Variants in MS4A8 observed in about 807,000 individuals in gnomAD.
MS4A8 encodes the protein membrane spanning 4-domains A8.
MS4A8 carries 27 observed loss-of-function variants against 23.7 expected under a neutral mutation model. The ratio of observed to expected loss-of-function variants is 1.14; its 90% CI spans 0.84 to 1.57. The LOEUF (loss-of-function observed/expected upper bound fraction) is 1.57, where lower values mean the gene tolerates loss of function less well. MS4A8 is among the 40% of genes most tolerant of loss of function. The probability of loss-of-function intolerance (pLI) is 0.00; values close to 1 mark genes in which losing one functional copy is unlikely to be tolerated. For missense variants in MS4A8, 301 were observed against 311.4 expected, an observed-to-expected ratio of 0.97 and a Z score of 0.25; for synonymous variants, 138 against 126.3, an observed-to-expected ratio of 1.09 and a Z score of -0.62.
At chr11:60,715,262 C>T (rs752856352) in intron 6 of MS4A8, 48 bp from the exon 7 acceptor site, 7 of 1,565,164 alleles carry the variant, frequency 4.5e-6, no homozygotes, top group Non-Finnish European at 6.2e-6. Context: ...GCCTTTGGTG[C>T]ATGGCCCGTC....
chr11:60,701,378 A>C (rs1435509840), intron 2 of MS4A8: 3 of 521,568 alleles, frequency 5.8e-6, no homozygotes, highest in Non-Finnish European at 1.1e-5. Flanking sequence ...GTGGCCTCTG[A>C]AGAAAGGGGT....
chr11:60,707,118 G>A, intron 4 of MS4A8, 71 bp downstream of exon 4: 1 of 1,370,924 alleles, frequency 7.3e-7, no homozygotes, highest in South Asian at 1.2e-5. Flanking sequence ...GGGAAAATAA[G>A]GTCACATACG....
At chr11:60,700,762 G>A (rs2088196025) in intron 1 of MS4A8, 98 bp from the exon 2 acceptor site, 5 of 1,157,304 alleles carry the variant, frequency 4.3e-6, no homozygotes, top group Non-Finnish European at 6.4e-6. Flanking sequence ...AACTTGTAGA[G>A]GGTTAAGATG....
intron 5 of MS4A8, chr11:60,708,984 G>A: frequency 1.8e-6 from 1 of 545,340 alleles, no homozygotes; most frequent in South Asian, 2.0e-5. Flanking sequence ...TGCCTTTGTA[G>A]AACAATACCT....
intron 5 of MS4A8, chr11:60,711,974 C>A (rs563754915): frequency 6.6e-4 from 180 of 271,060 alleles, no homozygotes; most frequent in Non-Finnish European, 1.3e-3. Flanking sequence ...TGGAGATACT[C>A]CGGGGTTTCC....
chr11:60,712,064 TA>T, intron 5 of MS4A8: 1 of 263,390 alleles, frequency 3.8e-6, no homozygotes, highest in Non-Finnish European at 7.4e-6. Flanking sequence ...ATTTTATGTG[TA>T]AAAAAATTTT....
intron 5 of MS4A8, among the ~76,000 whole-genome samples, chr11:60,710,584 A>T (rs978335057): frequency 1.6e-4 from 25 of 151,952 alleles, no homozygotes; most frequent in African/African-American, 6.0e-4. Context: ...TCTCTCATCT[A>T]ATCATGGAAA....
intron 2 of MS4A8, 58 bp downstream of exon 2, chr11:60,701,137 G>A (rs2088200835): frequency 6.6e-7 from 1 of 1,512,590 alleles, no homozygotes; most frequent in Non-Finnish European, 9.1e-7. Flanking sequence ...ATGGCAGGGG[G>A]AAGGGAAGGC....
chr11:60,714,341 G>C (rs369084394), intron 5 of MS4A8, among the ~76,000 whole-genome samples: 2 of 152,280 alleles, frequency 1.3e-5, no homozygotes, highest in African/African-American at 4.8e-5. Flanking sequence ...GGGAGCACAG[G>C]GTTGGGGGTA....
intron 5 of MS4A8, among the ~76,000 whole-genome samples, chr11:60,714,073 C>T (rs939166612): frequency 6.7e-6 from 1 of 148,166 alleles, no homozygotes; most frequent in African/African-American, 2.6e-5. Context: ...TACAGGCACC[C>T]GCCACCGCGC....
intron 5 of MS4A8, among the ~76,000 whole-genome samples, chr11:60,714,409 T>G (rs994618379): frequency 2.0e-5 from 3 of 152,162 alleles, no homozygotes; most frequent in African/African-American, 7.2e-5. Flanking sequence ...CAGAACAAAA[T>G]GGAGTCTCCT....
In MS4A8 at chr11:60,703,427, T is replaced by C. The variant is rs1213893118; in HGVS notation, c.269T>C (p.Met90Thr). ...GLAHIGLGSI[M>T]ATVLVGEYLS... ...GCTCACATCGGCCTCGGCTCCATCATGGCGACGGTTCTCGTAGGGGAATAC... is the reference window on the plus strand; with the variant it reads ...GCTCACATCGGCCTCGGCTCCATCACGGCGACGGTTCTCGTAGGGGAATAC... The change falls in exon 3 of 7, where the codon ATG becomes ACG. Residue 90 changes from methionine to threonine, a missense_variant. Met to Thr is a moderately conservative substitution (Grantham distance 81). Coordinates refer to ENST00000300226, the MANE Select transcript of MS4A8 (RefSeq NM_031457.2). 6.2e-7 allele frequency: 1 copy of C among 1,605,200 alleles called. No individual in the cohort carries two copies.
chr11:60,701,350 G>T (rs1176798153), intron 2 of MS4A8: 1 of 566,212 alleles, frequency 1.8e-6, no homozygotes, highest in South Asian at 1.5e-5. Flanking sequence ...CCTGTTGCCA[G>T]GATCCACGCC....
intron 2 of MS4A8, 42 bp from the exon 3 acceptor site, chr11:60,703,336 C>A: frequency 6.7e-7 from 1 of 1,493,196 alleles, no homozygotes; most frequent in Non-Finnish European, 8.9e-7. Context: ...AGGCAGGACC[C>A]AGCCTCAGAA....
chr11:60,701,249 C>T (rs753052453), intron 2 of MS4A8, 170 bp downstream of exon 2: 16 of 720,288 alleles, frequency 2.2e-5, no homozygotes, highest in South Asian at 2.1e-4. Context: ...ACATCACAGG[C>T]GGCCTCTGCT....
intron 4 of MS4A8, among the ~76,000 whole-genome samples, 162 bp downstream of exon 4, chr11:60,707,209 G>A (rs747503549): frequency 3.9e-5 from 6 of 152,184 alleles, no homozygotes; most frequent in Non-Finnish European, 8.8e-5. Context: ...CTGGCCACAG[G>A]AGCCTGGCCC....
At chr11:60,700,130 A>G (rs2088188669) in intron 1 of MS4A8, among the ~76,000 whole-genome samples, 1 of 152,080 alleles carries the variant, frequency 6.6e-6, no homozygotes, top group African/African-American at 2.4e-5. Flanking sequence ...ATTCTTGTCC[A>G]CTCTCTCACC....
Position 60,708,635 on chromosome 11 carries a change from C to G in MS4A8, c.403-15C>G. 1 of 1,507,316 alleles carries G rather than the reference C, an allele frequency of 6.6e-7. No individual in the cohort carries two copies. The highest frequency in any genetic ancestry group is 8.8e-7 in the Non-Finnish European group (1 of 1,130,100). The allele number at this position is 1,507,316 out of a possible 1,614,324, so 93.4% of individuals were successfully genotyped here. ...AGCTTTTCTCGCCCATCCTGACCCT[C>G]TGTGTCTTCTTCAGCTGTCTGGCAG... On this transcript the variant is annotated splice_polypyrimidine_tract_variant and intron_variant, in intron 4 of 6. Coordinates refer to ENST00000300226, the MANE Select transcript of MS4A8 (RefSeq NM_031457.2).
chr11:60,706,927 A>G, intron 3 of MS4A8, 61 bp from the exon 4 acceptor site: 3 of 1,423,538 alleles, frequency 2.1e-6, no homozygotes, highest in Non-Finnish European at 3.0e-6. Context: ...GAATCACAGA[A>G]GCCTGGGGAA....
Sources: allele counts gnomAD v4.1 joint callset (sites outside exome capture counted in the v4.1 genomes callset), GRCh38; gene constraint gnomAD v4.1.1; transcripts MANE v1.5; gene names NCBI Gene and HGNC (gene_info 2026-07-23, HGNC 2026-07-21).